PCDH15: variants seen among roughly 807,000 people sequenced by gnomAD.
The protein encoded by PCDH15 is protocadherin-15.
In PCDH15, 129 loss-of-function variants were observed where a neutral mutation model predicts 178.5. The ratio of observed to expected loss-of-function variants is 0.72; its 90% CI spans 0.63 to 0.84. The LOEUF (loss-of-function observed/expected upper bound fraction) is 0.84. Ranked by LOEUF, PCDH15 falls within the 40% of genes least tolerant of loss-of-function variation. The pLI, the probability that PCDH15 is intolerant of heterozygous loss-of-function variation, is 0.00. For synonymous variants in PCDH15, 800 were observed against 732.0 expected, an observed-to-expected ratio of 1.09 and a Z score of -1.50; for missense variants, 2,230 against 2,099.9, an observed-to-expected ratio of 1.06 and a Z score of -1.21.
intron 18 of PCDH15, 131 bp downstream of exon 18, chr10:54,066,626 A>T: frequency 1.3e-6 from 1 of 767,984 alleles, no homozygotes. Flanking sequence ...TCATTTTTTA[A>T]AGTCTTGAAG....
chr10:54,636,226 C>T (rs939349924), intron 2 of PCDH15, among the ~76,000 whole-genome samples: 6 of 151,798 alleles, frequency 4.0e-5, no homozygotes, highest in African/African-American at 9.7e-5. Flanking sequence ...AAATAAATGG[C>T]GCTTTTCTTA....
intron 3 of PCDH15, among the ~76,000 whole-genome samples, chr10:54,828,449 T>A (rs1953166073): frequency 6.6e-6 from 1 of 151,568 alleles, no homozygotes; most frequent in South Asian, 2.1e-4. Context: ...ACTACTTCCC[T>A]AAATCCTGCT....
chr10:55,519,720 A>G (rs183671509), intron 2 of PCDH15, among the ~76,000 whole-genome samples: 8 of 148,078 alleles, frequency 5.4e-5, no homozygotes, highest in Non-Finnish European at 1.0e-4. Context: ...TCCAAAATTT[A>G]TTCCATTATG....
chr10:53,943,199 C>T (rs190111797), intron 23 of PCDH15, among the ~76,000 whole-genome samples: 4 of 152,092 alleles, frequency 2.6e-5, no homozygotes, highest in South Asian at 4.1e-4. Flanking sequence ...GAGAAAAATG[C>T]TATGTCGGGC....
chr10:53,924,823 C>T (rs1017382692), intron 25 of PCDH15, among the ~76,000 whole-genome samples: 13 of 152,168 alleles, frequency 8.5e-5, no homozygotes, highest in African/African-American at 2.9e-4. Context: ...TACACCAAAT[C>T]AGCACTCTGT....
At chr10:55,579,253 C>A (rs559657827) in intron 2 of PCDH15, among the ~76,000 whole-genome samples, 1 of 152,138 alleles carries the variant, frequency 6.6e-6, no homozygotes, top group South Asian at 2.1e-4. Flanking sequence ...AGATGAGTAA[C>A]AATATAAAAG....
chr10:55,344,409 G>A (rs575451076), intron 2 of PCDH15, among the ~76,000 whole-genome samples: 2 of 152,010 alleles, frequency 1.3e-5, no homozygotes, highest in Non-Finnish European at 2.9e-5. Context: ...AGATAAATTA[G>A]GAGTTTATTG....
intron 2 of PCDH15, among the ~76,000 whole-genome samples, chr10:55,328,913 C>CATATAT (rs56104592): frequency 0.024 from 2,626 of 111,004 alleles, 40 homozygotes; most frequent in Admixed American, 0.035. Flanking sequence ...TTCACACAAA[C>CATATAT]ATATATATAT....
At chr10:54,700,607 C>G (rs2095297032) in intron 1 of PCDH15, among the ~76,000 whole-genome samples, 1 of 151,918 alleles carries the variant, frequency 6.6e-6, no homozygotes, top group African/African-American at 2.4e-5. Flanking sequence ...CCAAGTGGAG[C>G]AAAGAATCTC....
intron 3 of PCDH15, among the ~76,000 whole-genome samples, chr10:54,474,272 A>G (rs2078120075): frequency 6.6e-6 from 1 of 151,916 alleles, no homozygotes; most frequent in Non-Finnish European, 1.5e-5. Flanking sequence ...CTTCAATACA[A>G]AGAAAAAAAA....
At chr10:53,827,928 T>C (rs1253706133) in intron 31 of PCDH15, among the ~76,000 whole-genome samples, 1 of 152,178 alleles carries the variant, frequency 6.6e-6, no homozygotes, top group Non-Finnish European at 1.5e-5. Flanking sequence ...AATTTTTCTT[T>C]ATTATTTGTC....
At chr10:54,198,250 A>C (rs1348933655) in intron 10 of PCDH15, among the ~76,000 whole-genome samples, 1 of 152,118 alleles carries the variant, frequency 6.6e-6, no homozygotes, top group Non-Finnish European at 1.5e-5. Flanking sequence ...GACACACATC[A>C]GGCTTTCTGG....
intron 8 of PCDH15, among the ~76,000 whole-genome samples, chr10:54,304,268 C>T (rs958670433): frequency 6.6e-6 from 1 of 152,088 alleles, no homozygotes; most frequent in Non-Finnish European, 1.5e-5. Context: ...AACAGAGCTA[C>T]TATAAATTGT....
chr10:55,517,808 T>C (rs1251607720), intron 2 of PCDH15, among the ~76,000 whole-genome samples: 1 of 152,102 alleles, frequency 6.6e-6, no homozygotes, highest in Non-Finnish European at 1.5e-5. Flanking sequence ...TATTCAACAA[T>C]ACAAAGGAAC....
chr10:54,716,533 G>C (rs1212112499), intron 1 of PCDH15, among the ~76,000 whole-genome samples: 1 of 152,008 alleles, frequency 6.6e-6, no homozygotes, highest in Non-Finnish European at 1.5e-5. Flanking sequence ...TTGTGAATGG[G>C]AGTTCACTCA....
chr10:54,755,360 T>C (rs1946933150), intron 1 of PCDH15, among the ~76,000 whole-genome samples: 1 of 152,236 alleles, frequency 6.6e-6, no homozygotes, highest in South Asian at 2.1e-4. Context: ...CTTAGTATTG[T>C]ATTAATTTTT....
chr10:55,515,982 T>G (rs1841004426), intron 2 of PCDH15, among the ~76,000 whole-genome samples: 1 of 152,166 alleles, frequency 6.6e-6, no homozygotes, highest in African/African-American at 2.4e-5. Context: ...CCACACATAT[T>G]TATGTCCCTG....
At chr10:54,004,555 G>T (rs193023426) in intron 20 of PCDH15, among the ~76,000 whole-genome samples, 1 of 151,916 alleles carries the variant, frequency 6.6e-6, no homozygotes, top group African/African-American at 2.4e-5. Flanking sequence ...GTAATCCCAT[G>T]TAAAACAGCT....
chr10:54,677,756 C>T (rs1472099770), intron 1 of PCDH15, among the ~76,000 whole-genome samples: 1 of 152,068 alleles, frequency 6.6e-6, no homozygotes, highest in Non-Finnish European at 1.5e-5. Flanking sequence ...TTTAATTAAA[C>T]TATTTTCTAG....
Sources: allele counts gnomAD v4.1 joint callset (sites outside exome capture counted in the v4.1 genomes callset), GRCh38; gene constraint gnomAD v4.1.1; transcripts MANE v1.5; gene names NCBI Gene and HGNC (gene_info 2026-07-23, HGNC 2026-07-21).